ZDHHC21: variants seen among roughly 807,000 people sequenced by gnomAD.
The protein encoded by ZDHHC21 is zDHHC palmitoyltransferase 21.
ZDHHC21 carries 15 observed loss-of-function variants against 34.6 expected under a neutral mutation model. The ratio of observed to expected loss-of-function variants is 0.43; its 90% confidence interval spans 0.29 to 0.67. The LOEUF is 0.67. ZDHHC21 is among the 30% of genes least tolerant of loss of function. The probability of loss-of-function intolerance (pLI) is 0.14; values close to 1 mark genes in which losing one functional copy is unlikely to be tolerated. For synonymous variants in ZDHHC21, 142 were observed against 101.8 expected, an observed-to-expected ratio of 1.40 and a Z score of -2.38; for missense variants, 344 against 327.7, an observed-to-expected ratio of 1.05 and a Z score of -0.38.
At chr9:14,642,263 ACAT>A (rs1204136061) in intron 7 of ZDHHC21, among the ~76,000 whole-genome samples, 3 of 152,216 alleles carry the variant, frequency 2.0e-5, no homozygotes, top group Non-Finnish European at 4.4e-5. Flanking sequence ...TGCATAATTA[ACAT>A]CATCAGCACT....
chr9:14,691,832 T>A (rs1012715857), intron 1 of ZDHHC21, among the ~76,000 whole-genome samples: 1 of 152,224 alleles, frequency 6.6e-6, no homozygotes, highest in Admixed American at 6.5e-5. Flanking sequence ...TACTAATACT[T>A]CGTATATGTT....
chr9:14,619,730 C>G (rs1248109269), intron 8 of ZDHHC21, 48 bp from the exon 9 acceptor site: 1 of 989,280 alleles, frequency 1.0e-6, no homozygotes. Flanking sequence ...GTTATTAAGT[C>G]TTTATTCTGT....
chr9:14,648,910 T>G (rs1830730448), intron 7 of ZDHHC21, among the ~76,000 whole-genome samples: 1 of 151,618 alleles, frequency 6.6e-6, no homozygotes, highest in South Asian at 2.1e-4. Context: ...CTTTTCTGTG[T>G]TTTTATAAGA....
At chr9:14,634,135 G>C (rs1033694571) in intron 8 of ZDHHC21, among the ~76,000 whole-genome samples, 2 of 152,148 alleles carry the variant, frequency 1.3e-5, no homozygotes, top group Non-Finnish European at 2.9e-5. Context: ...TCAGGGGCCA[G>C]AGGTCAGGGC....
chr9:14,645,437 G>A (rs1830124062), intron 7 of ZDHHC21, among the ~76,000 whole-genome samples: 1 of 152,040 alleles, frequency 6.6e-6, no homozygotes, highest in Non-Finnish European at 1.5e-5. Context: ...TCTATCTCAT[G>A]AGAATCACAA....
intron 7 of ZDHHC21, among the ~76,000 whole-genome samples, chr9:14,654,428 A>G (rs1022475123): frequency 5.3e-5 from 8 of 152,092 alleles, no homozygotes; most frequent in African/African-American, 1.4e-4. Context: ...ATCTGAGGAA[A>G]GAACACAATC....
In ZDHHC21 at chr9:14,616,721, T is replaced by C. The variant is rs1348647462; in HGVS notation, c.*2245A>G. 4 of 151,968 alleles carry C rather than the reference T, an allele frequency of 2.6e-5. No homozygotes were observed. The highest frequency in any genetic ancestry group is 2.0e-4 in the Admixed American group (3 of 15,218). The allele number at this position is 151,968 out of a possible 1,614,324, so 9.4% of individuals were successfully genotyped here. On this transcript the variant is annotated 3_prime_UTR_variant, in exon 10 of 10. Coordinates refer to ENST00000380916, the MANE Select transcript of ZDHHC21 (RefSeq NM_178566.6). ...TTACAGTGTTAAGTATATATAGATA[T>C]ACTGTAATATACATTCTTATGTATA...
chr9:14,677,888 C>T (rs955717758), intron 3 of ZDHHC21, among the ~76,000 whole-genome samples: 42 of 152,136 alleles, frequency 2.8e-4, no homozygotes, highest in African/African-American at 9.9e-4. Flanking sequence ...ATGAAAATGA[C>T]AGAAAACTAT....
At chr9:14,637,399 T>C (rs1266552350) in intron 8 of ZDHHC21, among the ~76,000 whole-genome samples, 3 of 151,954 alleles carry the variant, frequency 2.0e-5, no homozygotes, top group African/African-American at 7.2e-5. Context: ...ATCAAAGTAG[T>C]AATAAAAAGT....
chr9:14,691,974 A>C (rs1240216626), intron 1 of ZDHHC21, among the ~76,000 whole-genome samples: 1 of 152,232 alleles, frequency 6.6e-6, no homozygotes, highest in East Asian at 1.9e-4. Context: ...AACATGGGTC[A>C]TTGCCCTACC....
At chr9:14,624,254 C>T (rs781190595) in intron 8 of ZDHHC21, among the ~76,000 whole-genome samples, 3 of 152,038 alleles carry the variant, frequency 2.0e-5, no homozygotes, top group Non-Finnish European at 4.4e-5. Context: ...CACCATTTTA[C>T]ATAAGGAACA....
chr9:14,609,295 A>T, downstream of ZDHHC21, among the ~76,000 whole-genome samples: 1 of 152,300 alleles, frequency 6.6e-6, no homozygotes, highest in South Asian at 2.1e-4. Context: ...TATTATTACT[A>T]AAGAAAAGCA....
Position 14,618,998 on chromosome 9 carries a change from G to A in ZDHHC21, c.766C>T (p.Arg256Ter), listed in dbSNP as rs756454314. The change falls in exon 10 of 10, where the codon CGA becomes TGA. Residue 256 changes from arginine to a stop codon, truncating the protein, a stop_gained. Coordinates refer to ENST00000380916, the MANE Select transcript of ZDHHC21 (RefSeq NM_178566.6). LOFTEE classifies it high-confidence loss of function. Reference sequence around the variant, plus strand: ...TGATTGGCAAAGTGGTAGGGAACTCGCAGTGGTTGCCTCTGCCTGAAAGGA... The same window carrying A: ...TGATTGGCAAAGTGGTAGGGAACTCACAGTGGTTGCCTCTGCCTGAAAGGA... ...FIPFRQRQPL[R>*]VPYHFANHV 4.3e-6 allele frequency: 7 copies of A among 1,610,988 alleles called. No individual in the cohort carries two copies. Among genetic ancestry groups the A allele is most frequent in the Admixed American group, 3.3e-5 (2 of 59,704 alleles).
chr9:14,622,846 A>C (rs1220553336), intron 8 of ZDHHC21, among the ~76,000 whole-genome samples: 1 of 152,132 alleles, frequency 6.6e-6, no homozygotes, highest in African/African-American at 2.4e-5. Context: ...GAGGAAAGTA[A>C]GAAAATTCTT....
the ZDHHC21 span, among the ~76,000 whole-genome samples, chr9:14,605,163 T>G: frequency 6.6e-6 from 1 of 151,982 alleles, no homozygotes; most frequent in East Asian, 1.9e-4. Flanking sequence ...ACTGCATTAA[T>G]GAAATGGGGA....
At chr9:14,599,165 G>A in the ZDHHC21 span, among the ~76,000 whole-genome samples, 9 of 152,152 alleles carry the variant, frequency 5.9e-5, no homozygotes, top group African/African-American at 9.7e-5. Context: ...CAAGATGGCC[G>A]AATAGGAACA....
At chr9:14,670,560 TA>T (rs1240385782) in intron 5 of ZDHHC21, among the ~76,000 whole-genome samples, 2 of 152,040 alleles carry the variant, frequency 1.3e-5, no homozygotes, top group Non-Finnish European at 2.9e-5. Flanking sequence ...GTATGGCCCA[TA>T]AAGCTGAAAA....
chr9:14,666,028 T>G (rs202008074), intron 5 of ZDHHC21, among the ~76,000 whole-genome samples: 32,774 of 142,398 alleles, frequency 0.23, 3,950 homozygotes, highest in East Asian at 0.3. Context: ...TGGACTAAAT[T>G]CTCCAATTAA....
At chr9:14,655,010 T>A (rs938643704) in intron 7 of ZDHHC21, among the ~76,000 whole-genome samples, 1 of 151,914 alleles carries the variant, frequency 6.6e-6, no homozygotes, top group Non-Finnish European at 1.5e-5. Context: ...CAAAGTTACA[T>A]AAACTCTCCA....
Sources: allele counts gnomAD v4.1 joint callset (sites outside exome capture counted in the v4.1 genomes callset), GRCh38; gene constraint gnomAD v4.1.1; transcripts MANE v1.5; gene names NCBI Gene and HGNC (gene_info 2026-07-23, HGNC 2026-07-21).